The following PDCD6IP variants were observed in gnomAD, a reference collection of about 807,000 sequenced individuals.
PDCD6IP encodes programmed cell death 6 interacting protein, also known as programmed cell death 6-interacting protein.
PDCD6IP carries 43 observed loss-of-function variants against 103.7 expected under a neutral mutation model. That is an observed-to-expected ratio of 0.41 (90% CI 0.32 to 0.53). The LOEUF (loss-of-function observed/expected upper bound fraction) is 0.53, where lower values mean the gene tolerates loss of function less well. Among genes scored for constraint, PDCD6IP ranks in the 20% least tolerant of loss-of-function variants. The pLI is 0.16. For synonymous variants in PDCD6IP, 354 were observed against 378.7 expected (o/e 0.93, Z 0.76); for missense variants, 871 against 1,036.7 (o/e 0.84, Z 2.20).
At position 33,868,753 on chromosome 3, in the gene PDCD6IP, A is replaced by G. The variant is rs1698122489; in HGVS notation, c.*2228A>G. 1.3e-5 allele frequency: 2 copies of G among 152,226 alleles called. No homozygotes were observed. The highest frequency in any genetic ancestry group is 4.8e-5 in the African/African-American group (2 of 41,456). The allele number at this position is 152,226 out of a possible 1,614,324, so 9.4% of individuals were successfully genotyped here. ...CTTTATTATCTTCCTAAATCAAGGA[A>G]AGGAAATCATCCCCAGACCATTTAT... On this transcript the variant is annotated 3_prime_UTR_variant, in exon 18 of 18. Coordinates refer to ENST00000307296, the MANE Select transcript of PDCD6IP (RefSeq NM_013374.6).
chr3:33,857,203 T>A (rs550403398), intron 15 of PDCD6IP, among the ~76,000 whole-genome samples: 1 of 152,080 alleles, frequency 6.6e-6, no homozygotes, highest in Non-Finnish European at 1.5e-5. Flanking sequence ...TTTTTTTAGA[T>A]GGAGTTTTGC....
At chr3:33,852,460 G>GATT in intron 12 of PDCD6IP, 28 bp from the exon 13 acceptor site, 1 of 1,002,316 alleles carries the variant, frequency 1.0e-6, no homozygotes, top group Non-Finnish European at 1.2e-6. Context: ...TTTTTTTGCA[G>GATT]TTAAACTAAG....
intron 1 of PDCD6IP, among the ~76,000 whole-genome samples, chr3:33,802,492 CTTTTTTTTTT>C (rs1167190234): frequency 4.2e-5 from 6 of 142,558 alleles, no homozygotes; most frequent in South Asian, 2.2e-4. Flanking sequence ...TTTCTTTTTT[CTTTTTTTTTT>C]TTTTGAGGTG....
intron 15 of PDCD6IP, among the ~76,000 whole-genome samples, chr3:33,856,660 T>A (rs1001500060): frequency 3.3e-5 from 5 of 152,100 alleles, no homozygotes; most frequent in Admixed American, 3.3e-4. Flanking sequence ...ACAAGAACTG[T>A]CAGCATCAAG....
intron 3 of PDCD6IP, 104 bp downstream of exon 3, chr3:33,813,732 G>C: frequency 1.5e-6 from 1 of 685,582 alleles, no homozygotes; most frequent in Non-Finnish European, 2.6e-6. Flanking sequence ...AAATACTAAA[G>C]TTTTTTACAT....
In PDCD6IP at chr3:33,826,628, T is replaced by C. The variant is rs1575918168; in HGVS notation, c.717+48T>C. Reference sequence around the variant, plus strand: ...ACTTGCTTACTTTGCATGTGAAATATTTAGACTTTTTTGTGTATAAGAAGC... The same window carrying C: ...ACTTGCTTACTTTGCATGTGAAATACTTAGACTTTTTTGTGTATAAGAAGC... On this transcript the variant is annotated intron_variant, in intron 6 of 17. Transcript: ENST00000307296. 19 of 1,603,562 alleles carry C rather than the reference T, an allele frequency of 1.2e-5. No homozygotes were observed. The East Asian group carries it at 4.3e-4, about 36-fold the overall frequency.
intron 4 of PDCD6IP, among the ~76,000 whole-genome samples, chr3:33,824,242 TAA>T (rs1697059862): frequency 6.6e-6 from 1 of 151,108 alleles, no homozygotes; most frequent in African/African-American, 2.4e-5. Context: ...TCTATTTATC[TAA>T]CTCATGACAC....
intron 12 of PDCD6IP, among the ~76,000 whole-genome samples, chr3:33,850,391 G>T (rs1193156227): frequency 6.6e-6 from 1 of 151,990 alleles, no homozygotes; most frequent in Non-Finnish European, 1.5e-5. Context: ...AAATGTTCAT[G>T]ATTCAAAAGG....
Position 33,866,584 on chromosome 3 carries a change from A to G in PDCD6IP, c.*59A>G. 2.9e-6 allele frequency: 4 copies of G among 1,370,048 alleles called. No homozygotes were observed. Among genetic ancestry groups the G allele is most frequent in the Non-Finnish European group, 4.0e-6 (4 of 998,826 alleles). The allele number at this position is 1,370,048 out of a possible 1,614,324, so 84.9% of individuals were successfully genotyped here. ...AGAGGGAAAGAAATACCAACCCTGCAATAAGTGTACTAAACTCTACGCTCT... is the reference window on the plus strand; with the variant it reads ...AGAGGGAAAGAAATACCAACCCTGCGATAAGTGTACTAAACTCTACGCTCT... On this transcript the variant is annotated 3_prime_UTR_variant, in exon 18 of 18. Transcript: ENST00000307296.
chr3:33,852,684 C>G lies in PDCD6IP; in HGVS notation c.1838C>G (p.Thr613Ser), dbSNP rs1697744986. Reference sequence around the variant, plus strand: ...GATCGAGTCTATGGAGGTCTTACAACTAAAGTCCAAGAATCTCTAAAGAAA... The same window carrying G: ...GATCGAGTCTATGGAGGTCTTACAAGTAAAGTCCAAGAATCTCTAAAGAAA... ...ELDRVYGGLTTKVQESLKKQE... is the reference protein window; with the variant it reads ...ELDRVYGGLTSKVQESLKKQE... The change falls in exon 13 of 18, where the codon ACT becomes AGT. Residue 613 changes from threonine (T) to serine (S), a missense_variant. Physicochemically the swap from Thr to Ser is moderately conservative, Grantham distance 58 (BLOSUM62 1). This residue lies in a region of PDCD6IP where 266 missense variants were observed against 390.5 expected (regional missense o/e 0.68). Coordinates refer to ENST00000307296, the MANE Select transcript of PDCD6IP (RefSeq NM_013374.6). The G allele has an allele frequency of 1.3e-6, 2 of 1,582,598 alleles. No homozygotes were observed. The highest frequency in any genetic ancestry group is 2.0e-5 in the Admixed American group (1 of 49,472).
chr3:33,818,234 A>C (rs1351994150), intron 3 of PDCD6IP, among the ~76,000 whole-genome samples: 1 of 149,822 alleles, frequency 6.7e-6, no homozygotes, highest in African/African-American at 2.5e-5. Flanking sequence ...CAGCCTCCTG[A>C]GTAGCTGGGA....
chr3:33,799,325 T>G (rs1696415312), intron 1 of PDCD6IP: 1 of 185,226 alleles, frequency 5.4e-6, no homozygotes, highest in Non-Finnish European at 1.1e-5. Context: ...TTGGGCCACA[T>G]TTTGATTTCA....
At chr3:33,822,184 G>A in intron 4 of PDCD6IP, 102 bp downstream of exon 4, 1 of 1,235,830 alleles carries the variant, frequency 8.1e-7, no homozygotes, top group South Asian at 1.4e-5. Context: ...CGCAACAGAT[G>A]TTTTCTAAAA....
chr3:33,865,455 C>T, intron 17 of PDCD6IP, 25 bp downstream of exon 17: 4 of 1,556,128 alleles, frequency 2.6e-6, no homozygotes, highest in Non-Finnish European at 3.5e-6. Context: ...TTGTGTATCC[C>T]AAGTTGGCTA....
intron 1 of PDCD6IP, among the ~76,000 whole-genome samples, chr3:33,800,207 C>T (rs1335170930): frequency 6.6e-6 from 1 of 150,998 alleles, no homozygotes; most frequent in Non-Finnish European, 1.5e-5. Flanking sequence ...TTAGGTATCA[C>T]TGGAGATCGT....
At chr3:33,814,321 G>A (rs1262352309) in intron 3 of PDCD6IP, among the ~76,000 whole-genome samples, 1 of 151,760 alleles carries the variant, frequency 6.6e-6, no homozygotes, top group Non-Finnish European at 1.5e-5. Flanking sequence ...TTTTAGTAGA[G>A]ACGGGGTTTC....
At chr3:33,859,919 C>T (rs1468212668) in intron 15 of PDCD6IP, among the ~76,000 whole-genome samples, 3 of 152,044 alleles carry the variant, frequency 2.0e-5, no homozygotes, top group Non-Finnish European at 4.4e-5. Flanking sequence ...AAAGTAGAAA[C>T]AAAGTGACCA....
At chr3:33,835,962 A>T (rs1464213041) in intron 7 of PDCD6IP, 82 bp from the exon 8 acceptor site, 1 of 803,196 alleles carries the variant, frequency 1.2e-6, no homozygotes, top group Admixed American at 2.5e-5. Context: ...TTTTGAAACC[A>T]ATGCTTAAAT....
intron 15 of PDCD6IP, chr3:33,855,466 A>G: frequency 2.4e-6 from 1 of 421,676 alleles, no homozygotes; most frequent in Non-Finnish European, 4.3e-6. Context: ...GAAACTCTAG[A>G]TGCAGGAAGT....
Sources: gnomAD v4.1 joint callset for allele counts (sites outside exome capture counted in the v4.1 genomes callset) on GRCh38, gnomAD v4.1.1 for gene constraint, gnomAD v4.1.1 regional missense constraint, MANE v1.5 for transcripts, NCBI Gene and HGNC (gene_info 2026-07-23, HGNC 2026-07-21) for gene names.